The following PRUNE2 variants were observed in gnomAD, a reference collection of about 807,000 sequenced individuals.
PRUNE2 encodes the protein protein prune homolog 2.
In PRUNE2, 164 loss-of-function variants were observed where a neutral mutation model predicts 252.0. That is an observed-to-expected ratio of 0.65 (90% CI 0.57 to 0.74). The LOEUF (loss-of-function observed/expected upper bound fraction) is 0.74, where lower values mean the gene tolerates loss of function less well. Among genes scored for constraint, PRUNE2 ranks in the 30% least tolerant of loss-of-function variants. PRUNE2 has a pLI of 0.00. For synonymous variants in PRUNE2, 1,292 were observed against 1,350.2 expected (o/e 0.96, Z 0.94); for missense variants, 3,495 against 3,711.0 (o/e 0.94, Z 1.51).
chr9:76,759,509 G>A (rs1162932971), intron 6 of PRUNE2: 1 of 152,796 alleles, frequency 6.5e-6, no homozygotes, highest in African/African-American at 2.4e-5. Flanking sequence ...CAGAGAAGGA[G>A]AGAAGAAAAG....
chr9:76,870,753 A>G (rs1290877748), intron 1 of PRUNE2, among the ~76,000 whole-genome samples: 2 of 152,046 alleles, frequency 1.3e-5, no homozygotes, highest in Non-Finnish European at 2.9e-5. Flanking sequence ...GTTGACAGTA[A>G]GATGTGGAGT....
At chr9:76,885,664 C>T (rs763575458) in intron 1 of PRUNE2, among the ~76,000 whole-genome samples, 13 of 152,078 alleles carry the variant, frequency 8.5e-5, no homozygotes, top group African/African-American at 2.4e-4. Context: ...CAGCAAAGTA[C>T]GATGGCTATG....
chr9:76,786,672 C>T (rs1018295470), intron 6 of PRUNE2: 13 of 152,262 alleles, frequency 8.5e-5, no homozygotes, highest in African/African-American at 3.1e-4. Flanking sequence ...ATCCCCACCA[C>T]TAACCTGAAT....
At chr9:76,776,187 A>G (rs117881154) in intron 6 of PRUNE2, among the ~76,000 whole-genome samples, 3,063 of 152,362 alleles carry the variant, frequency 0.02, 51 homozygotes, top group Non-Finnish European at 0.027. Context: ...GTTTTGTTAC[A>G]TGGATATTGA....
At chr9:76,894,421 G>A (rs537267771) in intron 1 of PRUNE2, among the ~76,000 whole-genome samples, 13 of 152,308 alleles carry the variant, frequency 8.5e-5, no homozygotes, top group African/African-American at 2.9e-4. Context: ...TTGGAGAGAG[G>A]ACCAGGGACA....
chr9:76,741,143 C>T (rs768382120), intron 6 of PRUNE2, among the ~76,000 whole-genome samples: 5 of 152,146 alleles, frequency 3.3e-5, no homozygotes, highest in African/African-American at 4.8e-5. Context: ...TATAAATGCA[C>T]TGTGGTGTAA....
intron 9 of PRUNE2, among the ~76,000 whole-genome samples, chr9:76,656,959 G>A (rs1041722463): frequency 1.3e-5 from 2 of 152,178 alleles, no homozygotes; most frequent in Non-Finnish European, 2.9e-5. Context: ...GCAGGAACAA[G>A]ACAACCTGTG....
intron 6 of PRUNE2, among the ~76,000 whole-genome samples, chr9:76,720,603 T>A (rs747224864): frequency 5.9e-5 from 9 of 151,782 alleles, no homozygotes; most frequent in East Asian, 2.0e-4. Context: ...TTCCTGTTTT[T>A]TTATTATTAT....
chr9:76,762,402 G>A (rs540096830), intron 6 of PRUNE2, among the ~76,000 whole-genome samples: 11 of 152,324 alleles, frequency 7.2e-5, no homozygotes, highest in African/African-American at 2.4e-4. Context: ...TGTGCGCAGA[G>A]AGAGCAACTA....
chr9:76,693,439 C>CTTTTTTTTTTTTTT (rs550030416), intron 9 of PRUNE2, among the ~76,000 whole-genome samples: 6 of 108,036 alleles, frequency 5.6e-5, no homozygotes, highest in Admixed American at 1.0e-4. Context: ...AGCACCTACT[C>CTTTTTTTTTTTTTT]TTTTTTTTTT....
At chr9:76,692,059 C>T (rs1208791566) in intron 9 of PRUNE2, 1 of 717,336 alleles carries the variant, frequency 1.4e-6, no homozygotes, top group Non-Finnish European at 2.6e-6. Flanking sequence ...AAAAGCTACA[C>T]CAGGACCCAC....
intron 6 of PRUNE2, among the ~76,000 whole-genome samples, chr9:76,781,941 G>A (rs769585649): frequency 5.9e-5 from 9 of 152,018 alleles, no homozygotes; most frequent in East Asian, 1.9e-4. Flanking sequence ...CTGGCCGGGC[G>A]CGGTGGCTCA....
rs1263576050 is a variant in PRUNE2, at chr9:76,658,486, A to G, written c.8277-2984T>C. Among the ~76,000 whole-genome samples, 14 of 152,354 alleles carry G rather than the reference A, an allele frequency of 9.2e-5. No individual in the cohort carries two copies. In the East Asian group the frequency reaches 2.7e-3, roughly 29 times the overall value. On this transcript the variant is annotated intron_variant, in intron 9 of 18. Transcript: ENST00000376718. ...AGTCACGCTCTTTGTAAATACTTCA[A>G]CCACATTCATACATTAAGCCCATAA... is the stretch of plus-strand genomic sequence containing the variant.
Position 76,613,011 on chromosome 9 carries a change from CG to C in PRUNE2, c.*1558del, listed in dbSNP as rs952685331. 4 of 152,086 alleles carry C rather than the reference CG, an allele frequency of 2.6e-5. No individual in the cohort carries two copies. The highest frequency in any genetic ancestry group is 4.1e-4 in the South Asian group (2 of 4,826). The allele number at this position is 152,086 out of a possible 1,614,324, so 9.4% of individuals were successfully genotyped here. A position where few individuals can be genotyped will look rare whatever the true frequency, so the allele number is the denominator to read the frequency against. ...TAAGAATGGTTCCCAGAGTGAGGCA[CG>C]GACTTCAGCCAACACCTGTATATAC... On this transcript the variant is annotated 3_prime_UTR_variant, in exon 19 of 19. Transcript: ENST00000376718.
At chr9:76,727,750 T>A (rs1296925629) in intron 6 of PRUNE2, among the ~76,000 whole-genome samples, 1 of 134,180 alleles carries the variant, frequency 7.5e-6, no homozygotes, top group East Asian at 2.3e-4. Flanking sequence ...GGTCTCACTT[T>A]GTCACCCAGG....
At position 76,904,234 on chromosome 9, in the gene PRUNE2, CT is replaced by C. The variant is rs143159423; in HGVS notation, c.36+1693del. Among the ~76,000 whole-genome samples, 173 of 146,164 alleles carry C rather than the reference CT, an allele frequency of 1.2e-3. 1 individual carries two copies. The highest frequency in any genetic ancestry group is 3.8e-3 in the African/African-American group (150 of 39,916). ...CAAACAACCGCTTCTCTTTCCTGTC[CT>C]TTTTTTTTTAATGATGTAGAGCAAT... On this transcript the variant is annotated intron_variant, in intron 1 of 18. Transcript: ENST00000376718.
chr9:76,710,478 T>G lies in PRUNE2; in HGVS notation c.1796A>C (p.Glu599Ala). The change falls in exon 8 of 19, where the codon GAA becomes GCA. Residue 599 changes from glutamate to alanine, a missense_variant. Coordinates refer to ENST00000376718, the MANE Select transcript of PRUNE2 (RefSeq NM_015225.3). The part of the protein sequence containing the change: ...DFVGDESPSP[E>A]RLKNTGKRIP... ...CCTCTTTCCAGTATTTTTTAGCCTT[T>G]CTGGGGAAGGGGATTCATCTCCCAC... is the stretch of plus-strand genomic sequence containing the variant. The G allele has an allele frequency of 6.2e-7, 1 of 1,613,998 alleles. No homozygotes were observed. The highest frequency in any genetic ancestry group is 1.1e-5 in the South Asian group (1 of 91,076).
intron 6 of PRUNE2, among the ~76,000 whole-genome samples, chr9:76,735,964 T>C (rs2049036171): frequency 6.6e-6 from 1 of 152,224 alleles, no homozygotes; most frequent in East Asian, 1.9e-4. Flanking sequence ...TCATTTGAGG[T>C]TGGGCATCAT....
At chr9:76,877,255 A>C (rs2061525854) in intron 1 of PRUNE2, among the ~76,000 whole-genome samples, 1 of 152,100 alleles carries the variant, frequency 6.6e-6, no homozygotes, top group African/African-American at 2.4e-5. Flanking sequence ...CTGTAATCCC[A>C]GCACTTTGGT....
Sources: allele counts gnomAD v4.1 joint callset (sites outside exome capture counted in the v4.1 genomes callset), GRCh38; gene constraint gnomAD v4.1.1; transcripts MANE v1.5; gene names NCBI Gene and HGNC (gene_info 2026-07-23, HGNC 2026-07-21).